The following WWC1 variants were observed in gnomAD, a reference collection of about 807,000 sequenced individuals.
The protein encoded by WWC1 is protein KIBRA.
WWC1 carries 55 observed loss-of-function variants against 138.4 expected under a neutral mutation model. That is an observed-to-expected ratio of 0.40 (90% CI 0.32 to 0.50). The LOEUF (loss-of-function observed/expected upper bound fraction) is 0.50. WWC1 is among the 20% of genes least tolerant of loss of function. The pLI is 0.72. For missense variants in WWC1, 1,226 were observed against 1,420.4 expected, an observed-to-expected ratio of 0.86 and a Z score of 2.20; for synonymous variants, 524 against 564.9, an observed-to-expected ratio of 0.93 and a Z score of 1.03.
At chr5:168,430,656 C>G (rs1377810800) in intron 14 of WWC1, among the ~76,000 whole-genome samples, 2 of 145,474 alleles carry the variant, frequency 1.4e-5, no homozygotes, top group African/African-American at 5.2e-5. Context: ...CCAGTCACTG[C>G]TTCTCTTGGA....
intron 1 of WWC1, among the ~76,000 whole-genome samples, chr5:168,315,389 C>T (rs1326493796): frequency 6.6e-6 from 1 of 151,964 alleles, no homozygotes; most frequent in African/African-American, 2.4e-5. Context: ...GAAAACCTCT[C>T]ACTCTCTTTG....
At chr5:168,302,019 C>A (rs1420172338) in intron 1 of WWC1, among the ~76,000 whole-genome samples, 1 of 152,202 alleles carries the variant, frequency 6.6e-6, no homozygotes, top group African/African-American at 2.4e-5. Flanking sequence ...TTTGGAATTT[C>A]TGGAGTGAAG....
intron 1 of WWC1, among the ~76,000 whole-genome samples, chr5:168,311,402 C>G (rs1392335779): frequency 6.6e-6 from 1 of 152,106 alleles, no homozygotes; most frequent in Non-Finnish European, 1.5e-5. Context: ...TGTGAGGAAC[C>G]GAGGCAGCAG....
intron 1 of WWC1, among the ~76,000 whole-genome samples, chr5:168,313,470 T>C (rs1771298856): frequency 6.6e-6 from 1 of 151,982 alleles, no homozygotes; most frequent in African/African-American, 2.4e-5. Flanking sequence ...GGGCATCTGT[T>C]ATCCCAGCTA....
In WWC1 at chr5:168,414,326, T is replaced by C. The variant is rs367714371; in HGVS notation, c.942-22T>C. The C allele has an allele frequency of 6.2e-6, 10 of 1,611,778 alleles. No individual in the cohort carries two copies. In the African/African-American group the frequency reaches 1.3e-4, roughly 22 times the overall value. Reference sequence around the variant, plus strand: ...TCAGTGCCATTAGGCACACCAGTCATGCTTGCTTTCTTGGCCCCCAGGATC... The same window carrying C: ...TCAGTGCCATTAGGCACACCAGTCACGCTTGCTTTCTTGGCCCCCAGGATC... On this transcript the variant is annotated intron_variant, in intron 8 of 22. Transcript: ENST00000265293.
chr5:168,450,960 A>G (rs1217187084), intron 17 of WWC1, among the ~76,000 whole-genome samples: 4 of 152,146 alleles, frequency 2.6e-5, no homozygotes, highest in Admixed American at 6.5e-5. Flanking sequence ...TAGCGCAAAT[A>G]TACTAAGATT....
chr5:168,406,705 G>T (rs1252518265), intron 6 of WWC1, among the ~76,000 whole-genome samples: 1 of 152,164 alleles, frequency 6.6e-6, no homozygotes, highest in East Asian at 1.9e-4. Context: ...ACTTTGGGAG[G>T]CTGAGGCGGG....
At chr5:168,303,332 C>T (rs927449516) in intron 1 of WWC1, among the ~76,000 whole-genome samples, 1 of 152,116 alleles carries the variant, frequency 6.6e-6, no homozygotes, top group Admixed American at 6.5e-5. Flanking sequence ...TGTGGCAGCT[C>T]ACACCTATAA....
chr5:168,451,675 A>C (rs1176709684), intron 17 of WWC1, among the ~76,000 whole-genome samples: 2 of 152,202 alleles, frequency 1.3e-5, no homozygotes, highest in Non-Finnish European at 2.9e-5. Flanking sequence ...ATGGCACTCC[A>C]GCCTTAGCCT....
At chr5:168,452,086 A>G (rs1405988753) in intron 17 of WWC1, among the ~76,000 whole-genome samples, 1 of 151,868 alleles carries the variant, frequency 6.6e-6, no homozygotes, top group Non-Finnish European at 1.5e-5. Flanking sequence ...TTGTATTTTT[A>G]GTAGAGACAA....
chr5:168,359,783 C>A (rs1388777933), intron 1 of WWC1, among the ~76,000 whole-genome samples: 5 of 152,162 alleles, frequency 3.3e-5, no homozygotes, highest in Non-Finnish European at 1.5e-5. Context: ...ACAGTGTCTT[C>A]CCATTCAGAA....
intron 6 of WWC1, among the ~76,000 whole-genome samples, chr5:168,407,721 C>T (rs1328456471): frequency 6.6e-6 from 1 of 152,158 alleles, no homozygotes; most frequent in African/African-American, 2.4e-5. Flanking sequence ...ATAGGTCATT[C>T]TTTGTATGAC....
At chr5:168,399,325 C>T (rs757474407) in intron 4 of WWC1, among the ~76,000 whole-genome samples, 163 bp from the exon 5 acceptor site, 18 of 152,198 alleles carry the variant, frequency 1.2e-4, no homozygotes, top group Non-Finnish European at 2.6e-4. Flanking sequence ...AGGCCAACAT[C>T]GGTGACAGGA....
rs1229313962 is a variant in WWC1 at position 168,424,006 on chromosome 5, A to G, written c.1748A>G (p.Asn583Ser). 1 of 1,613,866 alleles carries G rather than the reference A, an allele frequency of 6.2e-7. No homozygotes were observed. The change falls in exon 11 of 23, where the codon AAC becomes AGC. Residue 583 changes from asparagine to serine, a missense_variant. By Grantham distance (46) the Asn-to-Ser change is conservative. This residue lies in a region of WWC1 where 1,016 missense variants were observed against 1,153.9 expected (regional missense o/e 0.88). Coordinates refer to ENST00000265293, the MANE Select transcript of WWC1 (RefSeq NM_015238.3). Reference protein sequence around the residue: ...SATLCELSLGNSAQERYRLEE... With the variant: ...SATLCELSLGSSAQERYRLEE... The stretch of plus-strand genomic sequence containing the variant: ...ACTCTTTGTGAACTGAGCCTTGGTA[A>G]CAGCGCCCAGGAAAGATACCGGCTG...
chr5:168,464,825 T>C lies in WWC1; in HGVS notation c.3013T>C (p.Leu1005=), dbSNP rs3203960. The C allele has an allele frequency of 0.4, 638,706 of 1,613,854 alleles. 131,120 individuals are homozygous for C. Among genetic ancestry groups the C allele is most frequent in the Middle Eastern group, 0.54 (3,267 of 6,062 alleles). The stretch of plus-strand genomic sequence containing the variant: ...GGCGACAAGAACCTGGCACAGCCAA[T>C]TGACCCAGGAGATCTCGGTGCTGAA... ...LQATRTWHSQ[L]TQEISVLKEL... Residue 1005 remains leucine, a synonymous_variant, in exon 21 of 23, where the codon TTG becomes CTG. Coordinates refer to ENST00000265293, the MANE Select transcript of WWC1 (RefSeq NM_015238.3).
At chr5:168,303,311 A>G (rs774596796) in intron 1 of WWC1, among the ~76,000 whole-genome samples, 3 of 152,222 alleles carry the variant, frequency 2.0e-5, no homozygotes, top group Non-Finnish European at 2.9e-5. Context: ...AATAAGGCAC[A>G]GGAGGCCAGG....
chr5:168,357,303 T>TACACACACACACAC (rs3083619), intron 1 of WWC1, among the ~76,000 whole-genome samples: 25 of 145,234 alleles, frequency 1.7e-4, no homozygotes, highest in African/African-American at 5.5e-4. Context: ...CTTTCTCTCT[T>TACACACACACACAC]ACACACACAC....
intron 3 of WWC1, among the ~76,000 whole-genome samples, chr5:168,389,220 A>T (rs1261175495): frequency 6.6e-6 from 1 of 152,108 alleles, no homozygotes; most frequent in Non-Finnish European, 1.5e-5. Context: ...AGGCTGAGGC[A>T]GGTGGATCAC....
chr5:168,367,364 C>T lies in WWC1; in HGVS notation c.120-4060C>T, dbSNP rs1776374621. On this transcript the variant is annotated intron_variant, in intron 1 of 22. Transcript: ENST00000265293. ...TTATTTATTTTGAGACGGAGTCTTGCTCTGTCCCCCAGGCTGGAGTGCAGT... is the reference window on the plus strand; with the variant it reads ...TTATTTATTTTGAGACGGAGTCTTGTTCTGTCCCCCAGGCTGGAGTGCAGT... Among the ~76,000 whole-genome samples the T allele has an allele frequency of 2.0e-5, 3 of 151,978 alleles. No homozygotes were observed. The South Asian group carries it at 6.2e-4, about 32-fold the overall frequency.
Sources: gnomAD v4.1 joint callset for allele counts (sites outside exome capture counted in the v4.1 genomes callset) on GRCh38, gnomAD v4.1.1 for gene constraint, gnomAD v4.1.1 regional missense constraint, MANE v1.5 for transcripts, NCBI Gene and HGNC (gene_info 2026-07-23, HGNC 2026-07-21) for gene names.